The following PLEKHH1 variants were observed in gnomAD, a reference collection of about 807,000 sequenced individuals.
PLEKHH1 encodes pleckstrin homology domain-containing family H member 1.
A neutral mutation model predicts 160.0 loss-of-function variants in PLEKHH1; 104 were observed. The ratio of observed to expected loss-of-function variants is 0.65; its 90% CI spans 0.55 to 0.76. The LOEUF is 0.76. PLEKHH1 is among the 30% of genes least tolerant of loss of function. The probability of loss-of-function intolerance (pLI) is 0.00; values close to 1 mark genes in which losing one functional copy is unlikely to be tolerated. For synonymous variants in PLEKHH1, 619 were observed against 678.4 expected, an observed-to-expected ratio of 0.91 and a Z score of 1.36; for missense variants, 1,427 against 1,724.1, an observed-to-expected ratio of 0.83 and a Z score of 3.05.
chr14:67,573,478 C>T lies in PLEKHH1; in HGVS notation c.1839+92C>T, dbSNP rs11620882. 6,728 of 878,360 alleles carry T rather than the reference C, an allele frequency of 7.7e-3. 55 individuals are homozygous for T. The highest frequency in any genetic ancestry group is 0.013 in the Middle Eastern group (39 of 3,066). The allele number at this position is 878,360 out of a possible 1,614,324, so 54.4% of individuals were successfully genotyped here. On this transcript the variant is annotated intron_variant, in intron 12 of 28. Coordinates refer to ENST00000329153, the MANE Select transcript of PLEKHH1 (RefSeq NM_020715.3). The surrounding 1 kb of genome is among the most constrained non-coding windows in gnomAD (Gnocchi z 4.8). ...TGGGACGGAGGAGGGGGAATGTGGC[C>T]CAAGGCCAGAGGGCAAAGGTCTGGC...
At position 67,586,044 on chromosome 14, in the gene PLEKHH1, A is replaced by G; in HGVS notation, c.3880A>G (p.Ser1294Gly). 6.2e-7 allele frequency: 1 copy of G among 1,613,862 alleles called. No individual in the cohort carries two copies. The change falls in exon 28 of 29, where the codon AGC (serine) becomes GGC (glycine). Residue 1294 changes from serine to glycine, a missense_variant. Transcript: ENST00000329153. ...TGTGATTAGATCTATCCCAGACAAG[A>G]GCTCTGGAAAAAGCCACATTGAGAA... ...MLVIRSIPDK[S>G]SGKSHIEKLI...
intron 5 of PLEKHH1, among the ~76,000 whole-genome samples, 177 bp from the exon 6 acceptor site, chr14:67,561,777 G>A (rs34528648): frequency 0.17 from 25,541 of 151,588 alleles, 2,719 homozygotes; most frequent in East Asian, 0.27. Context: ...GGCTGAGGTG[G>A]GAGGATCAGT....
chr14:67,560,071 G>C (rs2034767527), intron 5 of PLEKHH1, among the ~76,000 whole-genome samples: 1 of 152,158 alleles, frequency 6.6e-6, no homozygotes, highest in Admixed American at 6.5e-5. Flanking sequence ...CTCTCGCCCA[G>C]GCTGGAGTGT....
chr14:67,574,256 G>T lies in PLEKHH1; in HGVS notation c.1941G>T (p.Lys647Asn), dbSNP rs2035519913. The change falls in exon 14 of 29, where the codon AAG (lysine) becomes AAT (asparagine). Residue 647 changes from lysine (K) to asparagine (N), a missense_variant. By Grantham distance (94) the Lys-to-Asn change is moderately conservative. Around this residue, in one of 6 missense-constraint regions of PLEKHH1, gnomAD observed 831 missense variants for 929.2 expected, o/e 0.89. Coordinates refer to ENST00000329153, the MANE Select transcript of PLEKHH1 (RefSeq NM_020715.3). This position sits in a 1 kb window ranked among gnomAD's most constrained non-coding sequence, Gnocchi z 4.2. ...GCCCTCCACAGCTCATCTCTGAGAA[G>T]AAAACCTACTACCTGACGGCCGATT... Reference protein sequence around the residue: ...GSQTFQLISEKKTYYLTADSP... With the variant: ...GSQTFQLISENKTYYLTADSP... 2 of 1,605,482 alleles carry T rather than the reference G, an allele frequency of 1.2e-6. No homozygotes were observed. Among genetic ancestry groups the T allele is most frequent in the Non-Finnish European group, 8.5e-7 (1 of 1,175,816 alleles).
chr14:67,542,945 G>A (rs554259840), intron 2 of PLEKHH1, among the ~76,000 whole-genome samples: 89 of 152,132 alleles, frequency 5.9e-4, no homozygotes, highest in African/African-American at 1.0e-3. Context: ...GGTGATCCTC[G>A]CCTCAGGTGA....
intron 1 of PLEKHH1, 73 bp from the exon 2 acceptor site, chr14:67,541,761 C>T: frequency 9.6e-7 from 1 of 1,046,214 alleles, no homozygotes; most frequent in South Asian, 1.7e-5. Context: ...TTGGTCCCCT[C>T]CCGTTCTTTC....
intron 2 of PLEKHH1, among the ~76,000 whole-genome samples, chr14:67,554,560 G>A (rs1356893589): frequency 1.3e-5 from 2 of 152,226 alleles, no homozygotes; most frequent in Non-Finnish European, 2.9e-5. Flanking sequence ...GGCACATGGT[G>A]TTAGACATGA....
intron 9 of PLEKHH1, 184 bp from the exon 10 acceptor site, chr14:67,571,568 A>C: frequency 1.8e-6 from 1 of 554,728 alleles, no homozygotes. Context: ...GAGGCCTGAG[A>C]AGCATGGAGG....
chr14:67,577,218 A>G lies in PLEKHH1; in HGVS notation c.2462-84A>G, dbSNP rs887620964. On this transcript the variant is annotated intron_variant, in intron 17 of 28. Coordinates refer to ENST00000329153, the MANE Select transcript of PLEKHH1 (RefSeq NM_020715.3). ...CGGAAGATAAACCACTATCTTCCCCATAAATTAAAGATGGCGGTGAGTGGG... is the reference window on the plus strand; with the variant it reads ...CGGAAGATAAACCACTATCTTCCCCGTAAATTAAAGATGGCGGTGAGTGGG... 8.3e-5 allele frequency: 72 copies of G among 866,526 alleles called. No individual in the cohort carries two copies. In the Middle Eastern group the frequency reaches 1.7e-3, roughly 21 times the overall value. The allele number at this position is 866,526 out of a possible 1,614,324, so 53.7% of individuals were successfully genotyped here.
chr14:67,539,202 C>T (rs576737934), intron 1 of PLEKHH1, among the ~76,000 whole-genome samples: 4 of 152,284 alleles, frequency 2.6e-5, no homozygotes, highest in African/African-American at 2.4e-5. Context: ...TGAAGCCTCC[C>T]GGCCTTCTCT....
At chr14:67,568,300 T>C (rs1594773021) in intron 7 of PLEKHH1, among the ~76,000 whole-genome samples, 2 of 152,198 alleles carry the variant, frequency 1.3e-5, no homozygotes, top group Middle Eastern at 6.8e-3. Flanking sequence ...TGCAGGGACA[T>C]AAATGGAGCT....
intron 2 of PLEKHH1, among the ~76,000 whole-genome samples, chr14:67,555,453 G>A (rs555855912): frequency 9.9e-4 from 151 of 152,224 alleles, no homozygotes; most frequent in African/African-American, 3.3e-3. Context: ...CCCCACCTTC[G>A]ACCCAATGCT....
At chr14:67,575,129 G>T (rs1404490106) in intron 14 of PLEKHH1, among the ~76,000 whole-genome samples, 3 of 149,474 alleles carry the variant, frequency 2.0e-5, no homozygotes, top group Admixed American at 6.7e-5. Flanking sequence ...ATTTTCATAT[G>T]CCTGGAGGGG....
Position 67,585,941 on chromosome 14 carries a change from C to T in PLEKHH1, c.3787-10C>T, listed in dbSNP as rs769387100. On this transcript the variant is annotated splice_polypyrimidine_tract_variant and intron_variant, in intron 27 of 28. Transcript: ENST00000329153. ...AAGTTTCCCCACAACTGACTGGTTC[C>T]TTTCCACAGCAAGTGCACATCACTT... The T allele has an allele frequency of 1.2e-6, 2 of 1,608,204 alleles. No homozygotes were observed. Among genetic ancestry groups the T allele is most frequent in the African/African-American group, 1.3e-5 (1 of 74,826 alleles).
chr14:67,548,756 CTT>C (rs1321730351), intron 2 of PLEKHH1, among the ~76,000 whole-genome samples: 3 of 152,194 alleles, frequency 2.0e-5, no homozygotes, highest in Non-Finnish European at 2.9e-5. Context: ...AGCTTAAAAA[CTT>C]CTAACTGAAG....
chr14:67,557,551 G>A (rs2034645113), intron 4 of PLEKHH1, 133 bp downstream of exon 4: 1 of 733,434 alleles, frequency 1.4e-6, no homozygotes. Flanking sequence ...ATTCTTTTAT[G>A]TGAAAATTTA....
At chr14:67,564,600 G>T (rs1376383285) in intron 7 of PLEKHH1, among the ~76,000 whole-genome samples, 1 of 151,822 alleles carries the variant, frequency 6.6e-6, no homozygotes, top group Non-Finnish European at 1.5e-5. Context: ...TGGGACTACA[G>T]GCATGCACCA....
chr14:67,564,237 A>G (rs1042481105), intron 7 of PLEKHH1, among the ~76,000 whole-genome samples: 4 of 152,044 alleles, frequency 2.6e-5, no homozygotes, highest in Non-Finnish European at 4.4e-5. Context: ...TCCTGACCTC[A>G]AGTGATTCAC....
At chr14:67,534,907 A>C (rs2033642161) in intron 1 of PLEKHH1, among the ~76,000 whole-genome samples, 3 of 152,236 alleles carry the variant, frequency 2.0e-5, no homozygotes, top group Non-Finnish European at 2.9e-5. Context: ...AATGGTGTAC[A>C]TCATTGAATA....
Sources: allele counts gnomAD v4.1 joint callset (sites outside exome capture counted in the v4.1 genomes callset), GRCh38; gene constraint gnomAD v4.1.1; regional missense constraint gnomAD v4.1.1; non-coding constraint Gnocchi (gnomAD v3.1); transcripts MANE v1.5; gene names NCBI Gene and HGNC (gene_info 2026-07-23, HGNC 2026-07-21).